The following PLEKHA5 variants were observed in gnomAD, a reference collection of about 807,000 sequenced individuals.
PLEKHA5 encodes the protein pleckstrin homology domain-containing family A member 5.
In PLEKHA5, 55 loss-of-function variants were observed where a neutral mutation model predicts 181.9. That is an observed-to-expected ratio of 0.30 (90% CI 0.24 to 0.38). The LOEUF is 0.38. PLEKHA5 is among the 10% of genes least tolerant of loss of function. The probability of loss-of-function intolerance (pLI) is 1.00; values close to 1 mark genes in which losing one functional copy is unlikely to be tolerated. For missense variants in PLEKHA5, 1,432 were observed against 1,549.5 expected (o/e 0.92, Z 1.27); for synonymous variants, 535 against 529.4 (o/e 1.01, Z -0.15).
intron 3 of PLEKHA5, among the ~76,000 whole-genome samples, chr12:19,141,171 C>A (rs943058823): frequency 6.8e-6 from 1 of 146,948 alleles, no homozygotes; most frequent in African/African-American, 2.5e-5. Context: ...TTCCACCCCT[C>A]CCCCCCAACA....
At chr12:19,316,722 G>A (rs1411922112) in intron 16 of PLEKHA5, among the ~76,000 whole-genome samples, 6 of 151,980 alleles carry the variant, frequency 3.9e-5, no homozygotes, top group Non-Finnish European at 8.8e-5. Flanking sequence ...TTATTAAGCA[G>A]GGCATCCTTA....
intron 12 of PLEKHA5, among the ~76,000 whole-genome samples, chr12:19,284,336 T>A (rs2076786895): frequency 1.3e-5 from 2 of 152,144 alleles, no homozygotes; most frequent in Admixed American, 6.6e-5. Context: ...CCCAAAGTGC[T>A]GAGATTGCAG....
chr12:19,291,056 A>C (rs1009743957), intron 14 of PLEKHA5, among the ~76,000 whole-genome samples: 1 of 152,192 alleles, frequency 6.6e-6, no homozygotes, highest in Non-Finnish European at 1.5e-5. Flanking sequence ...GAGGAAGGCA[A>C]TGCGTACAAT....
intron 18 of PLEKHA5, chr12:19,321,464 A>G (rs1253364831): frequency 6.8e-6 from 1 of 147,926 alleles, no homozygotes; most frequent in Non-Finnish European, 1.5e-5. Flanking sequence ...CCCGGGTTCA[A>G]GTGATTCTTA....
intron 12 of PLEKHA5, among the ~76,000 whole-genome samples, chr12:19,286,975 A>C (rs2077350843): frequency 6.6e-6 from 1 of 151,610 alleles, no homozygotes; most frequent in African/African-American, 2.4e-5. Flanking sequence ...AAAAAACAAA[A>C]AAAAAAAGAA....
chr12:19,184,163 G>A (rs971195219), intron 3 of PLEKHA5, among the ~76,000 whole-genome samples: 5 of 152,014 alleles, frequency 3.3e-5, no homozygotes, highest in African/African-American at 4.8e-5. Context: ...AAATCCTCGG[G>A]GAATGGCTAT....
At chr12:19,271,493 G>C (rs1487221466) in intron 10 of PLEKHA5, among the ~76,000 whole-genome samples, 1 of 151,822 alleles carries the variant, frequency 6.6e-6, no homozygotes, top group Non-Finnish European at 1.5e-5. Context: ...AACGGAGTGA[G>C]ACCCTGTCAA....
intron 22 of PLEKHA5, among the ~76,000 whole-genome samples, chr12:19,344,074 A>C (rs2094145076): frequency 6.6e-6 from 1 of 151,812 alleles, no homozygotes; most frequent in Non-Finnish European, 1.5e-5. Context: ...AAATTTTCTC[A>C]GCTGCATTAT....
intron 13 of PLEKHA5, 90 bp downstream of exon 13, chr12:19,287,646 T>C (rs1184543447): frequency 5.4e-6 from 4 of 747,310 alleles, no homozygotes; most frequent in Non-Finnish European, 9.2e-6. Flanking sequence ...GTTTGAATTT[T>C]CAGAGGTTCT....
At chr12:19,286,964 C>CAAAA (rs563435759) in intron 12 of PLEKHA5, among the ~76,000 whole-genome samples, 1 of 102,790 alleles carries the variant, frequency 9.7e-6, no homozygotes, top group Non-Finnish European at 2.1e-5. Flanking sequence ...GACTCTGCTT[C>CAAAA]AAAAAACAAA....
intron 3 of PLEKHA5, among the ~76,000 whole-genome samples, chr12:19,221,559 C>T (rs1412063418): frequency 6.6e-5 from 10 of 152,154 alleles, no homozygotes; most frequent in East Asian, 5.8e-4. Context: ...TATGTTCATG[C>T]GACACTGTCT....
At chr12:19,318,469 T>C (rs546395822) in intron 16 of PLEKHA5, among the ~76,000 whole-genome samples, 2 of 152,314 alleles carry the variant, frequency 1.3e-5, no homozygotes, top group South Asian at 2.1e-4. Context: ...AAAGATTTAC[T>C]ATAAATTAGT....
At chr12:19,204,744 A>G (rs1281210096) in intron 3 of PLEKHA5, among the ~76,000 whole-genome samples, 2 of 152,158 alleles carry the variant, frequency 1.3e-5, no homozygotes, top group Non-Finnish European at 1.5e-5. Flanking sequence ...GTTTGAAGAT[A>G]GCAAACATTT....
chr12:19,305,088 T>C (rs1222969067), intron 15 of PLEKHA5, among the ~76,000 whole-genome samples: 1 of 152,172 alleles, frequency 6.6e-6, no homozygotes, highest in African/African-American at 2.4e-5. Context: ...CAGGAGGTGA[T>C]GTCATGAGCC....
chr12:19,305,535 T>A (rs1453475146), intron 15 of PLEKHA5, among the ~76,000 whole-genome samples: 1 of 132,218 alleles, frequency 7.6e-6, no homozygotes, highest in Non-Finnish European at 1.6e-5. Context: ...CACTCCAGCC[T>A]GGGTGACAGC....
intron 22 of PLEKHA5, among the ~76,000 whole-genome samples, chr12:19,345,582 G>A (rs548481132): frequency 1.0e-3 from 156 of 151,838 alleles, no homozygotes; most frequent in Non-Finnish European, 1.7e-3. Flanking sequence ...TGACCAACAC[G>A]GTGAAACCCC....
chr12:19,330,571 TA>T (rs1043104848), intron 20 of PLEKHA5, among the ~76,000 whole-genome samples: 4 of 148,908 alleles, frequency 2.7e-5, no homozygotes, highest in Admixed American at 1.4e-4. Flanking sequence ...TATAAATTCG[TA>T]AAAAAAAATT....
chr12:19,354,312 C>T (rs1478117893), intron 26 of PLEKHA5, among the ~76,000 whole-genome samples: 107 of 133,872 alleles, frequency 8.0e-4, no homozygotes, highest in Middle Eastern at 5.4e-3. Flanking sequence ...CCACCACGCC[C>T]GGCTAATTTT....
In PLEKHA5 at chr12:19,267,947, C is replaced by T. The variant is rs184455888; in HGVS notation, c.712-1823C>T. On this transcript the variant is annotated intron_variant, in intron 8 of 31. Coordinates refer to ENST00000429027, the MANE Select transcript of PLEKHA5 (RefSeq NM_001256470.2). Reference sequence around the variant, plus strand: ...TGCACTCCAGCCTGGGCAACAAGAGCGAAACTCTGGCTCAAAAAAAAAAAA... The same window carrying T: ...TGCACTCCAGCCTGGGCAACAAGAGTGAAACTCTGGCTCAAAAAAAAAAAA... Among the ~76,000 whole-genome samples, 124 of 151,102 alleles carry T rather than the reference C, an allele frequency of 8.2e-4. 1 individual carries two copies. In the East Asian group the frequency reaches 0.019, roughly 23 times the overall value.
Sources: allele counts gnomAD v4.1 joint callset (sites outside exome capture counted in the v4.1 genomes callset), GRCh38; gene constraint gnomAD v4.1.1; transcripts MANE v1.5; gene names NCBI Gene and HGNC (gene_info 2026-07-23, HGNC 2026-07-21).